Variants in FANCD2 observed in about 807,000 individuals in gnomAD.
FANCD2 encodes FA complementation group D2, also known as Fanconi anemia group D2 protein.
Under a neutral mutation model 192.3 loss-of-function variants are expected in FANCD2, and 131 were observed. The observed-to-expected ratio is 0.68, with a 90% confidence interval of 0.59 to 0.79. The LOEUF (loss-of-function observed/expected upper bound fraction) is 0.79. Ranked by LOEUF, FANCD2 falls within the 30% of genes least tolerant of loss-of-function variation. The probability of loss-of-function intolerance (pLI) is 0.00; values close to 1 mark genes in which losing one functional copy is unlikely to be tolerated. For missense variants in FANCD2, 1,508 were observed against 1,701.6 expected (o/e 0.89, Z 2.00); for synonymous variants, 524 against 612.5 (o/e 0.86, Z 2.13).
intron 1 of FANCD2, 66 bp downstream of exon 1, chr3:10,026,539 T>A (rs2086454882): frequency 2.2e-6 from 1 of 463,672 alleles, no homozygotes; most frequent in Non-Finnish European, 2.8e-6. Flanking sequence ...AATCTCTAAG[T>A]CCGGGCCGCG....
intron 14 of FANCD2, among the ~76,000 whole-genome samples, chr3:10,044,905 T>C (rs2086958579): frequency 6.6e-6 from 1 of 152,212 alleles, no homozygotes; most frequent in Non-Finnish European, 1.5e-5. Context: ...TACTTTTTTT[T>C]CTTAACATTT....
chr3:10,089,183 G>C (rs941044481), intron 36 of FANCD2, among the ~76,000 whole-genome samples: 41 of 152,036 alleles, frequency 2.7e-4, no homozygotes, highest in African/African-American at 9.9e-4. Context: ...TACTTAGGAG[G>C]CTGAGGTAGG....
rs866948904 is a variant in FANCD2, at chr3:10,092,338, C to T, written c.3849+86C>T. ...CTTCCAAAATGGACTTTCCTTGCTCCTCTTCCCACTCTTCCTTGGGGCCTG... is the reference window on the plus strand; with the variant it reads ...CTTCCAAAATGGACTTTCCTTGCTCTTCTTCCCACTCTTCCTTGGGGCCTG... On this transcript the variant is annotated intron_variant, in intron 38 of 43. Coordinates refer to ENST00000675286, the MANE Select transcript of FANCD2 (RefSeq NM_001018115.3). 20 of 962,302 alleles carry T rather than the reference C, an allele frequency of 2.1e-5. No homozygotes were observed. The African/African-American group carries it at 2.7e-4, about 13-fold the overall frequency. 59.6% of individuals were successfully genotyped at this position (962,302 alleles called of 1,614,324 possible).
Position 10,098,573 on chromosome 3 carries a change from G to C in FANCD2, c.4186-147G>C, listed in dbSNP as rs17032380. On this transcript the variant is annotated intron_variant, in intron 42 of 43. Coordinates refer to ENST00000675286, the MANE Select transcript of FANCD2 (RefSeq NM_001018115.3). The stretch of plus-strand genomic sequence containing the variant: ...GGAGTTGAGTATCCCTCCTCTAGAT[G>C]CTGAATCACAAGTTGGTATCCATGT... 0.014 allele frequency: 13,030 copies of C among 912,208 alleles called. 1,160 individuals are homozygous for C. The African/African-American group carries it at 0.19, about 13-fold the overall frequency. 56.5% of individuals were successfully genotyped at this position (912,208 alleles called of 1,614,324 possible). A position where few individuals can be genotyped will look rare whatever the true frequency, so the allele number is the denominator to read the frequency against.
In FANCD2 at chr3:10,096,504, C is replaced by G. The variant is rs1280087727; in HGVS notation, c.4185+32C>G. 5 of 1,609,284 alleles carry G rather than the reference C, an allele frequency of 3.1e-6. No individual in the cohort carries two copies. The African/African-American group carries it at 6.7e-5, about 22-fold the overall frequency. ...CTTGGATCCTGCTAGTGATAATCCC[C>G]TACTCTTATTCTTTGTGACAGCATC... On this transcript the variant is annotated intron_variant, in intron 42 of 43. Transcript: ENST00000675286.
intron 28 of FANCD2, among the ~76,000 whole-genome samples, chr3:10,073,933 C>T (rs914300807): frequency 6.6e-6 from 1 of 151,642 alleles, no homozygotes; most frequent in African/African-American, 2.4e-5. Flanking sequence ...CCCCTAAGCT[C>T]ACAGTTTTTT....
chr3:10,035,526 T>A (rs1286699174), intron 6 of FANCD2, among the ~76,000 whole-genome samples: 2 of 152,256 alleles, frequency 1.3e-5, no homozygotes, highest in Non-Finnish European at 2.9e-5. Flanking sequence ...TTTATCATAT[T>A]CATATCTACA....
intron 14 of FANCD2, chr3:10,045,726 C>G (rs899933992): frequency 6.6e-6 from 1 of 151,486 alleles, no homozygotes; most frequent in African/African-American, 2.4e-5. Flanking sequence ...CTCAGCTTCC[C>G]AAGTAGGTGG....
At chr3:10,038,482 A>T (rs2086784274) in intron 7 of FANCD2, among the ~76,000 whole-genome samples, 1 of 152,138 alleles carries the variant, frequency 6.6e-6, no homozygotes, top group Admixed American at 6.5e-5. Flanking sequence ...GAAAAATGAT[A>T]ATTGAGCCAA....
chr3:10,068,149 CAA>C (rs1345823268), intron 26 of FANCD2, among the ~76,000 whole-genome samples: 3 of 151,784 alleles, frequency 2.0e-5, no homozygotes, highest in Non-Finnish European at 2.9e-5. Flanking sequence ...AACAATTAGA[CAA>C]GAGAGAGAAA....
intron 14 of FANCD2, 134 bp from the exon 15 acceptor site, chr3:10,046,446 T>C: frequency 6.9e-7 from 1 of 1,450,596 alleles, no homozygotes. Context: ...GTGTAGATAC[T>C]CCCAGGGGAG....
At chr3:10,027,557 C>T (rs969949807) in intron 1 of FANCD2, among the ~76,000 whole-genome samples, 1 of 152,174 alleles carries the variant, frequency 6.6e-6, no homozygotes, top group East Asian at 1.9e-4. Context: ...CTCCTCTTCT[C>T]CTACCCCTTC....
intron 15 of FANCD2, 148 bp downstream of exon 15, chr3:10,046,871 A>C: frequency 5.4e-6 from 4 of 738,592 alleles, no homozygotes; most frequent in Non-Finnish European, 9.1e-6. Flanking sequence ...TGTCTATCTC[A>C]ATGCAGTTTG....
At chr3:10,071,101 C>T (rs150838760) in intron 26 of FANCD2, among the ~76,000 whole-genome samples, 4 of 131,234 alleles carry the variant, frequency 3.0e-5, no homozygotes, top group African/African-American at 8.9e-5. Flanking sequence ...TCCCCCTCTG[C>T]GAGAAACACC....
rs2125095588 is a variant in FANCD2 at position 10,096,445 on chromosome 3, G to A, written c.4158G>A (p.Leu1386=). The A allele has an allele frequency of 6.2e-7, 1 of 1,614,068 alleles. No individual in the cohort carries two copies. Among genetic ancestry groups the A allele is most frequent in the Non-Finnish European group, 8.5e-7 (1 of 1,179,960 alleles). Residue 1386 remains leucine, a synonymous_variant, in exon 42 of 44, where the codon CTG becomes CTA. Coordinates refer to ENST00000675286, the MANE Select transcript of FANCD2 (RefSeq NM_001018115.3). The part of the protein sequence containing the change: ...TLNNCREAFW[L]GNLKNRDLQG... ...ACAATTGTAGAGAGGCTTTCTGGCTGGGCAATCTAAAAAACCGGGACTTGC... is the reference window on the plus strand; with the variant it reads ...ACAATTGTAGAGAGGCTTTCTGGCTAGGCAATCTAAAAAACCGGGACTTGC...
At chr3:10,028,875 G>GT (rs1313465625) in intron 2 of FANCD2, among the ~76,000 whole-genome samples, 154 bp downstream of exon 2, 1 of 152,190 alleles carries the variant, frequency 6.6e-6, no homozygotes, top group Non-Finnish European at 1.5e-5. Flanking sequence ...TTGGGACTGA[G>GT]TTTTTGCCTC....
At chr3:10,097,351 G>T (rs1695030528) in intron 42 of FANCD2, among the ~76,000 whole-genome samples, 1 of 152,154 alleles carries the variant, frequency 6.6e-6, no homozygotes, top group South Asian at 2.1e-4. Context: ...TAGGAGACTG[G>T]AGTTTATTTC....
At chr3:10,080,255 A>T (rs577017799) in intron 30 of FANCD2, among the ~76,000 whole-genome samples, 2 of 148,304 alleles carry the variant, frequency 1.3e-5, no homozygotes, top group South Asian at 2.2e-4. Context: ...ACTTTTTGAG[A>T]CAGGGCTTTG....
intron 27 of FANCD2, 59 bp downstream of exon 27, chr3:10,073,040 T>G (rs1350780575): frequency 1.9e-5 from 20 of 1,039,662 alleles, no homozygotes; most frequent in East Asian, 7.4e-5. Context: ...TGAATTAACC[T>G]AAAAGTTATG....
Sources: allele counts gnomAD v4.1 joint callset (sites outside exome capture counted in the v4.1 genomes callset), GRCh38; gene constraint gnomAD v4.1.1; transcripts MANE v1.5; gene names NCBI Gene and HGNC (gene_info 2026-07-23, HGNC 2026-07-21).